The following LRCH1 variants were observed in gnomAD, a reference collection of about 807,000 sequenced individuals.
LRCH1 encodes leucine-rich repeat and calponin homology domain-containing protein 1.
In LRCH1, 23 loss-of-function variants were observed where a neutral mutation model predicts 94.9. The observed-to-expected ratio is 0.24, with a 90% CI of 0.17 to 0.34. The LOEUF (loss-of-function observed/expected upper bound fraction) is 0.34. LRCH1 is among the 10% of genes least tolerant of loss of function. LRCH1 has a pLI of 1.00. For missense variants in LRCH1, 790 were observed against 945.9 expected, an observed-to-expected ratio of 0.84 and a Z score of 2.16; for synonymous variants, 364 against 354.9, an observed-to-expected ratio of 1.03 and a Z score of -0.29.
chr13:46,723,203 T>C lies in LRCH1; in HGVS notation c.1760-18T>C. On this transcript the variant is annotated intron_variant, in intron 16 of 19. Transcript: ENST00000389797. ...ACAAGGCACTATATAAAGGCTTTTT[T>C]TCCCCTTTGTATTGTAGTGTTTCTA... The C allele has an allele frequency of 6.7e-7, 1 of 1,488,090 alleles. No homozygotes were observed. Among genetic ancestry groups the C allele is most frequent in the Non-Finnish European group, 9.3e-7 (1 of 1,074,742 alleles). 92.2% of individuals were successfully genotyped at this position (1,488,090 alleles called of 1,614,324 possible).
At chr13:46,636,272 A>G (rs780389199) in intron 1 of LRCH1, among the ~76,000 whole-genome samples, 2 of 151,724 alleles carry the variant, frequency 1.3e-5, no homozygotes, top group African/African-American at 2.4e-5. Flanking sequence ...GGGTTTCACC[A>G]TGTTGGCCAG....
At chr13:46,692,456 G>A in intron 7 of LRCH1, 80 bp from the exon 8 acceptor site, 1 of 978,960 alleles carries the variant, frequency 1.0e-6, no homozygotes, top group Non-Finnish European at 1.6e-6. Context: ...ATCACAGGAT[G>A]TTGTTTTATT....
At chr13:46,557,654 C>T (rs1232705673) in intron 1 of LRCH1, among the ~76,000 whole-genome samples, 7 of 151,620 alleles carry the variant, frequency 4.6e-5, no homozygotes. Flanking sequence ...ACCAGCCTGA[C>T]CAACATGGTA....
At chr13:46,712,409 C>T in intron 14 of LRCH1, 116 bp from the exon 15 acceptor site, 3 of 745,280 alleles carry the variant, frequency 4.0e-6, no homozygotes, top group Non-Finnish European at 4.5e-6. Flanking sequence ...CATCACACAG[C>T]AGCGAATGCA....
At chr13:46,615,692 C>T (rs576823483) in intron 1 of LRCH1, among the ~76,000 whole-genome samples, 13 of 152,214 alleles carry the variant, frequency 8.5e-5, no homozygotes, top group South Asian at 2.1e-4. Context: ...GGGTTTTCAG[C>T]GCAAGTGTTC....
chr13:46,555,696 G>A (rs1250080652), intron 1 of LRCH1, among the ~76,000 whole-genome samples: 1 of 152,218 alleles, frequency 6.6e-6, no homozygotes, highest in Admixed American at 6.5e-5. Context: ...ATTATTTGGG[G>A]GAAGAGGAGT....
intron 18 of LRCH1, among the ~76,000 whole-genome samples, chr13:46,732,776 C>T (rs1278201084): frequency 6.6e-6 from 1 of 152,192 alleles, no homozygotes; most frequent in Non-Finnish European, 1.5e-5. Flanking sequence ...CTCAGGTCTG[C>T]TTCTGTTTGC....
rs187828966 is a variant in LRCH1 at position 46,612,267 on chromosome 13, G to A, written c.308-37934G>A. Among the ~76,000 whole-genome samples the A allele has an allele frequency of 2.8e-3, 428 of 152,146 alleles. 2 individuals are homozygous for A. Among genetic ancestry groups the A allele is most frequent in the African/African-American group, 9.8e-3 (408 of 41,508 alleles). Reference sequence around the variant, plus strand: ...ATTAGTTATGCAATGAAATAAAACAGAGCAAGCAATACCTTTAGGTTCACT... The same window carrying A: ...ATTAGTTATGCAATGAAATAAAACAAAGCAAGCAATACCTTTAGGTTCACT... On this transcript the variant is annotated intron_variant, in intron 1 of 19. Transcript: ENST00000389797.
rs1453559427 is a variant in LRCH1 at position 46,591,179 on chromosome 13, G to A, written c.307+37476G>A. Among the ~76,000 whole-genome samples the A allele has an allele frequency of 3.9e-5, 6 of 152,180 alleles. No homozygotes were observed. The South Asian group carries it at 8.3e-4, about 21-fold the overall frequency. ...CTTGGCCTAAACTTTGCTATAAATGGCAAAGTTACTGAATTGCCTTGGCTC... is the reference window on the plus strand; with the variant it reads ...CTTGGCCTAAACTTTGCTATAAATGACAAAGTTACTGAATTGCCTTGGCTC... On this transcript the variant is annotated intron_variant, in intron 1 of 19. Coordinates refer to ENST00000389797, the MANE Select transcript of LRCH1 (RefSeq NM_001164211.2).
chr13:46,749,205 C>A (rs1353004773), downstream of LRCH1, among the ~76,000 whole-genome samples: 1 of 152,160 alleles, frequency 6.6e-6, no homozygotes, highest in East Asian at 1.9e-4. Context: ...GCTACTCAGC[C>A]TTAAAAAGAA....
chr13:46,701,067 G>A (rs1871442806), intron 10 of LRCH1, 54 bp from the exon 11 acceptor site: 3 of 1,051,654 alleles, frequency 2.9e-6, no homozygotes, highest in African/African-American at 3.2e-5. Flanking sequence ...GAAATTAGAT[G>A]ATATTCATGT....
intron 1 of LRCH1, among the ~76,000 whole-genome samples, chr13:46,583,706 C>T (rs1406278969): frequency 1.3e-5 from 2 of 151,808 alleles, no homozygotes; most frequent in African/African-American, 2.4e-5. Context: ...CATTTTTGAA[C>T]GTAATCATTT....
At chr13:46,748,599 G>T (rs536931170), downstream of LRCH1, among the ~76,000 whole-genome samples, 47 of 152,218 alleles carry the variant, frequency 3.1e-4, no homozygotes, top group African/African-American at 1.1e-3. Flanking sequence ...TCACCATGCC[G>T]CAAAAGGAGG....
At position 46,553,438 on chromosome 13, in the gene LRCH1, C is replaced by A; in HGVS notation, c.42C>A (p.Ala14=). The A allele has an allele frequency of 6.5e-7, 1 of 1,549,120 alleles. No individual in the cohort carries two copies. Among genetic ancestry groups the A allele is most frequent in the East Asian group, 2.5e-5 (1 of 40,778 alleles). ...GCGAACCCCAACCTTTCGTCCCGGC[C>A]CTTTCGGTAGCTACTCTGCACCCAC... is the stretch of plus-strand genomic sequence containing the variant. ...PGSEPQPFVP[A]LSVATLHPLH... The change falls in exon 1 of 20, where the codon GCC becomes GCA. Residue 14 remains alanine (A), a synonymous_variant. Coordinates refer to ENST00000389797, the MANE Select transcript of LRCH1 (RefSeq NM_001164211.2).
In LRCH1 at chr13:46,553,241, C is replaced by CCCAAAGA; in HGVS notation, c.-155_-154insCAAAGAC. 1 of 571,090 alleles carries CCCAAAGA rather than the reference C, an allele frequency of 1.8e-6. No homozygotes were observed. Among genetic ancestry groups the CCCAAAGA allele is most frequent in the East Asian group, 3.3e-5 (1 of 30,672 alleles). 35.4% of individuals were successfully genotyped at this position (571,090 alleles called of 1,614,324 possible). On this transcript the variant is annotated 5_prime_UTR_variant, in exon 1 of 20. Coordinates refer to ENST00000389797, the MANE Select transcript of LRCH1 (RefSeq NM_001164211.2). ...CCACGGCCGCCTCCCCGCCCGCCCC[C>CCCAAAGA]CATTCTACGCGCCTGCCCACACCCT...
At chr13:46,668,188 A>G (rs926553609) in intron 2 of LRCH1, among the ~76,000 whole-genome samples, 16 of 152,304 alleles carry the variant, frequency 1.1e-4, no homozygotes, top group Admixed American at 1.0e-3. Context: ...AATGGCTGAC[A>G]TATAAATAAG....
At chr13:46,572,691 A>G (rs1203617010) in intron 1 of LRCH1, among the ~76,000 whole-genome samples, 1 of 152,222 alleles carries the variant, frequency 6.6e-6, no homozygotes, top group African/African-American at 2.4e-5. Context: ...AAAAGAAGGT[A>G]ATGAAACATT....
intron 11 of LRCH1, among the ~76,000 whole-genome samples, chr13:46,702,375 G>A (rs757122449): frequency 7.9e-5 from 12 of 152,058 alleles, no homozygotes; most frequent in African/African-American, 1.2e-4. Context: ...AGTGCCATGC[G>A]CCTGTAATCC....
chr13:46,702,142 G>T (rs549170337), intron 11 of LRCH1, among the ~76,000 whole-genome samples: 1 of 152,244 alleles, frequency 6.6e-6, no homozygotes, highest in African/African-American at 2.4e-5. Flanking sequence ...GGGATGTAAA[G>T]ATGGACAAGA....
Sources: gnomAD v4.1 joint callset for allele counts (sites outside exome capture counted in the v4.1 genomes callset) on GRCh38, gnomAD v4.1.1 for gene constraint, MANE v1.5 for transcripts, NCBI Gene and HGNC (gene_info 2026-07-23, HGNC 2026-07-21) for gene names.